Variants in VPS41 observed in about 807,000 individuals in gnomAD.
VPS41 encodes the protein vacuolar protein sorting-associated protein 41 homolog.
In VPS41, 85 loss-of-function variants were observed where a neutral mutation model predicts 130.9. The ratio of observed to expected loss-of-function variants is 0.65; its 90% confidence interval spans 0.55 to 0.78. VPS41 has a LOEUF of 0.78. Among genes scored for constraint, VPS41 ranks in the 30% least tolerant of loss-of-function variants. VPS41 has a pLI of 0.00. For missense variants in VPS41, 874 were observed against 1,018.7 expected, an observed-to-expected ratio of 0.86 and a Z score of 1.93; for synonymous variants, 335 against 332.9, an observed-to-expected ratio of 1.01 and a Z score of -0.07.
chr7:38,726,364 A>G (rs1562561699), intron 28 of VPS41, 38 bp from the exon 29 acceptor site: 2 of 1,525,360 alleles, frequency 1.3e-6, no homozygotes, highest in Non-Finnish European at 1.8e-6. Context: ...TTAAAAAATG[A>G]TCTTCTTTTT....
intron 7 of VPS41, among the ~76,000 whole-genome samples, chr7:38,798,954 T>C (rs1784673613): frequency 6.6e-6 from 1 of 152,144 alleles, no homozygotes; most frequent in African/African-American, 2.4e-5. Context: ...AGAAAAAGCC[T>C]GCCTGGGAAG....
chr7:38,779,869 A>G (rs1784324778), intron 10 of VPS41, among the ~76,000 whole-genome samples: 1 of 152,244 alleles, frequency 6.6e-6, no homozygotes, highest in South Asian at 2.1e-4. Flanking sequence ...TTTGTAAAAT[A>G]TATTCAAGTA....
intron 4 of VPS41, among the ~76,000 whole-genome samples, chr7:38,847,521 T>C (rs990997387): frequency 2.0e-5 from 3 of 152,222 alleles, no homozygotes; most frequent in Non-Finnish European, 4.4e-5. Context: ...ATGTTAATAT[T>C]CTGTAAAATT....
chr7:38,755,167 G>A (rs10279367), intron 19 of VPS41, among the ~76,000 whole-genome samples: 32,429 of 152,124 alleles, frequency 0.21, 4,446 homozygotes, highest in Non-Finnish European at 0.31. Flanking sequence ...CTAAAATGGT[G>A]CTTTGCTATA....
chr7:38,842,928 T>C (rs1785638193), intron 4 of VPS41, among the ~76,000 whole-genome samples: 2 of 152,168 alleles, frequency 1.3e-5, no homozygotes, highest in South Asian at 4.1e-4. Flanking sequence ...AGAAATCTAC[T>C]TTAAACTCAG....
intron 3 of VPS41, among the ~76,000 whole-genome samples, chr7:38,863,811 G>C (rs1452217170): frequency 6.6e-6 from 1 of 152,180 alleles, no homozygotes; most frequent in African/African-American, 2.4e-5. Context: ...ATGACGATTA[G>C]TCATCCAGGG....
At chr7:38,892,805 G>C (rs1043375878) in intron 2 of VPS41, among the ~76,000 whole-genome samples, 7 of 152,016 alleles carry the variant, frequency 4.6e-5, no homozygotes, top group African/African-American at 1.7e-4. Flanking sequence ...GTTTATACTG[G>C]ACTCATTTTA....
chr7:38,888,566 C>G (rs1201116370), intron 2 of VPS41, among the ~76,000 whole-genome samples: 1 of 152,168 alleles, frequency 6.6e-6, no homozygotes, highest in African/African-American at 2.4e-5. Context: ...GACTCCCACA[C>G]AGTAATAATG....
intron 17 of VPS41, 38 bp downstream of exon 17, chr7:38,763,417 C>T (rs959615889): frequency 2.1e-5 from 30 of 1,407,374 alleles, no homozygotes; most frequent in Non-Finnish European, 2.8e-5. Context: ...CACCTCCCAT[C>T]GAGAACAAGT....
intron 7 of VPS41, 52 bp downstream of exon 7, chr7:38,817,765 C>T: frequency 7.0e-7 from 1 of 1,432,082 alleles, no homozygotes. Context: ...ACAGAGTAAG[C>T]ACACAACACC....
chr7:38,806,708 A>T (rs1784845950), intron 7 of VPS41, among the ~76,000 whole-genome samples: 1 of 152,216 alleles, frequency 6.6e-6, no homozygotes, highest in South Asian at 2.1e-4. Flanking sequence ...ACATAATTTT[A>T]TTTCTACAGA....
intron 2 of VPS41, 83 bp from the exon 3 acceptor site, chr7:38,869,336 C>A: frequency 1.1e-6 from 1 of 874,096 alleles, no homozygotes; most frequent in East Asian, 2.5e-5. Context: ...TACGAGAGAA[C>A]CAGAGATGGT....
chr7:38,847,168 G>A (rs575560991), intron 4 of VPS41, among the ~76,000 whole-genome samples: 1 of 152,266 alleles, frequency 6.6e-6, no homozygotes, highest in Admixed American at 6.5e-5. Context: ...GTGGAGAAGG[G>A]ACAATCCCTT....
chr7:38,763,578 T>C (rs1000996577), intron 16 of VPS41, 31 bp from the exon 17 acceptor site: 9 of 1,485,592 alleles, frequency 6.1e-6, no homozygotes, highest in South Asian at 5.0e-5. Flanking sequence ...AAAAAGTCCA[T>C]TAAAATATGA....
intron 15 of VPS41, among the ~76,000 whole-genome samples, chr7:38,766,713 G>C (rs1174368592): frequency 6.6e-6 from 1 of 150,814 alleles, no homozygotes; most frequent in East Asian, 1.9e-4. Context: ...TTTCATGATA[G>C]TGAGTTAGTT....
At chr7:38,759,880 A>T (rs1783877274) in intron 17 of VPS41, among the ~76,000 whole-genome samples, 2 of 152,144 alleles carry the variant, frequency 1.3e-5, no homozygotes, top group African/African-American at 4.8e-5. Flanking sequence ...TGACCGTGGC[A>T]GTCTGCTTGG....
At chr7:38,732,014 T>C (rs1209358586) in intron 25 of VPS41, among the ~76,000 whole-genome samples, 1 of 152,154 alleles carries the variant, frequency 6.6e-6, no homozygotes, top group East Asian at 1.9e-4. Flanking sequence ...TCATGTAACA[T>C]AGATCTGGTC....
chr7:38,753,465 G>T (rs1256707177), intron 21 of VPS41, among the ~76,000 whole-genome samples: 1 of 152,056 alleles, frequency 6.6e-6, no homozygotes, highest in Non-Finnish European at 1.5e-5. Flanking sequence ...TGGCACTGGG[G>T]TCAGTGTGTT....
chr7:38,770,705 T>C (rs1356535720), intron 14 of VPS41, among the ~76,000 whole-genome samples: 2 of 152,226 alleles, frequency 1.3e-5, no homozygotes, highest in East Asian at 1.9e-4. Flanking sequence ...CATCTGCACA[T>C]TCACTGTCAC....
Sources: allele counts gnomAD v4.1 joint callset (sites outside exome capture counted in the v4.1 genomes callset), GRCh38; gene constraint gnomAD v4.1.1; transcripts MANE v1.5; gene names NCBI Gene and HGNC (gene_info 2026-07-23, HGNC 2026-07-21).